The following PTK2 variants were observed in gnomAD, a reference collection of about 807,000 sequenced individuals.
The protein encoded by PTK2 is protein tyrosine kinase 2.
PTK2 carries 45 observed loss-of-function variants against 150.1 expected under a neutral mutation model. That is an observed-to-expected ratio of 0.30 (90% CI 0.24 to 0.38). The LOEUF (loss-of-function observed/expected upper bound fraction) is 0.38, where lower values mean the gene tolerates loss of function less well. Among genes scored for constraint, PTK2 ranks in the 10% least tolerant of loss-of-function variants. PTK2 has a pLI of 1.00. For synonymous variants in PTK2, 432 were observed against 449.2 expected (o/e 0.96, Z 0.48); for missense variants, 919 against 1,307.3 (o/e 0.70, Z 4.58).
intron 13 of PTK2, among the ~76,000 whole-genome samples, chr8:140,790,865 G>C (rs2100088014): frequency 6.6e-6 from 1 of 152,136 alleles, no homozygotes; most frequent in Admixed American, 6.5e-5. Context: ...GCAGTCAGAG[G>C]ACACACATTT....
chr8:140,751,645 C>T (rs1276937288), intron 17 of PTK2, among the ~76,000 whole-genome samples: 3 of 152,134 alleles, frequency 2.0e-5, no homozygotes, highest in Non-Finnish European at 4.4e-5. Flanking sequence ...GTGCGTGCCA[C>T]TATGCACGGC....
chr8:140,993,318 G>A (rs1449584954), intron 1 of PTK2, among the ~76,000 whole-genome samples: 1 of 152,156 alleles, frequency 6.6e-6, no homozygotes, highest in African/African-American at 2.4e-5. Context: ...TGGCCCCTAT[G>A]TGATTTTTAA....
chr8:140,930,325 T>G (rs1262515664), intron 1 of PTK2, among the ~76,000 whole-genome samples: 1 of 152,174 alleles, frequency 6.6e-6, no homozygotes, highest in African/African-American at 2.4e-5. Flanking sequence ...CAGTCCTAAA[T>G]TGCAAGGATT....
At chr8:140,662,575 C>T (rs2082103607) in intron 31 of PTK2, 1 of 405,300 alleles carries the variant, frequency 2.5e-6, no homozygotes, top group Non-Finnish European at 4.4e-6. Context: ...TGTGAAGTTA[C>T]ACTACAGCAC....
In PTK2 at chr8:140,770,557, C is replaced by T. The variant is rs1338967009; in HGVS notation, c.1178-6267G>A. Among the ~76,000 whole-genome samples the T allele has an allele frequency of 3.3e-5, 5 of 152,194 alleles. No homozygotes were observed. The East Asian group carries it at 7.7e-4, about 23-fold the overall frequency. Reference sequence around the variant, plus strand: ...ACAGTGACATAAAACCTTGCCCCCACCCCAATCCCCTTATTGCTTCTGAAC... The same window carrying T: ...ACAGTGACATAAAACCTTGCCCCCATCCCAATCCCCTTATTGCTTCTGAAC... On this transcript the variant is annotated intron_variant, in intron 14 of 31. Coordinates refer to ENST00000522684, the Ensembl canonical transcript of PTK2.
At chr8:140,681,090 C>G (rs567110873) in intron 27 of PTK2, among the ~76,000 whole-genome samples, 4 of 152,160 alleles carry the variant, frequency 2.6e-5, no homozygotes, top group Non-Finnish European at 1.5e-5. Flanking sequence ...TTCAGCTGGG[C>G]GCGGTTGCTC....
At chr8:140,765,846 A>G (rs2100071968) in intron 14 of PTK2, among the ~76,000 whole-genome samples, 1 of 152,140 alleles carries the variant, frequency 6.6e-6, no homozygotes, top group Admixed American at 6.6e-5. Flanking sequence ...GCAGGGGAGG[A>G]ATCTACTCTA....
intron 2 of PTK2, among the ~76,000 whole-genome samples, chr8:140,918,390 C>T (rs1448302261): frequency 6.6e-6 from 1 of 152,138 alleles, no homozygotes; most frequent in African/African-American, 2.4e-5. Context: ...CAAATAACTT[C>T]CCAAACAGGG....
intron 5 of PTK2, among the ~76,000 whole-genome samples, chr8:140,854,766 C>T (rs2100131485): frequency 1.3e-5 from 2 of 152,026 alleles, no homozygotes; most frequent in Admixed American, 1.3e-4. Flanking sequence ...TTATGTCTAA[C>T]TAGTAATATA....
chr8:140,893,033 A>C (rs545224743), intron 2 of PTK2, among the ~76,000 whole-genome samples: 1 of 152,348 alleles, frequency 6.6e-6, no homozygotes, highest in African/African-American at 2.4e-5. Flanking sequence ...TGTATGTCCA[A>C]ATAAAAACTC....
chr8:140,890,495 T>G (rs1318021463), intron 3 of PTK2, 48 bp downstream of exon 3: 2 of 1,497,384 alleles, frequency 1.3e-6, no homozygotes, highest in Non-Finnish European at 1.8e-6. Flanking sequence ...GCCATTACAT[T>G]TTAACCTAAA....
intron 4 of PTK2, among the ~76,000 whole-genome samples, chr8:140,874,481 G>A (rs2100144412): frequency 6.6e-6 from 1 of 152,112 alleles, no homozygotes; most frequent in Admixed American, 6.5e-5. Flanking sequence ...TTAGATGTCT[G>A]CAGGTGACAG....
chr8:140,905,474 T>C (rs1033897377), intron 2 of PTK2, among the ~76,000 whole-genome samples: 7 of 152,148 alleles, frequency 4.6e-5, no homozygotes, highest in Admixed American at 4.6e-4. Flanking sequence ...CAAGAAGAGC[T>C]AACTATCTTA....
chr8:140,681,135 C>T (rs2100016669), intron 27 of PTK2, among the ~76,000 whole-genome samples: 1 of 151,746 alleles, frequency 6.6e-6, no homozygotes, highest in Non-Finnish European at 1.5e-5. Flanking sequence ...GAGGCCAAGG[C>T]GAGTGGATCA....
intron 1 of PTK2, among the ~76,000 whole-genome samples, chr8:140,980,405 G>A (rs567695707): frequency 3.6e-4 from 55 of 152,244 alleles, no homozygotes; most frequent in Middle Eastern, 3.4e-3. Context: ...ATTGGATCAC[G>A]AGGTCAGGAG....
chr8:140,890,214 T>C (rs1721002746), intron 3 of PTK2: 1 of 226,834 alleles, frequency 4.4e-6, no homozygotes, highest in Non-Finnish European at 8.5e-6. Context: ...GTTTATTTCA[T>C]GACTGTTAGA....
chr8:140,680,385 G>A (rs1589752913), intron 27 of PTK2, among the ~76,000 whole-genome samples: 1 of 152,084 alleles, frequency 6.6e-6, no homozygotes, highest in South Asian at 2.1e-4. Flanking sequence ...CCGCTACCAC[G>A]CCCGGCTAAC....
intron 2 of PTK2, among the ~76,000 whole-genome samples, chr8:140,916,983 G>T (rs1357916944): frequency 6.6e-6 from 1 of 152,154 alleles, no homozygotes. Context: ...TTTTGTGCAT[G>T]TTTAATGCAC....
intron 1 of PTK2, among the ~76,000 whole-genome samples, chr8:140,953,243 CTAT>C (rs1427511460): frequency 6.6e-6 from 1 of 152,118 alleles, no homozygotes; most frequent in African/African-American, 2.4e-5. Context: ...GCTATATATA[CTAT>C]GTTTTTCCTA....
Sources: gnomAD v4.1 joint callset for allele counts (sites outside exome capture counted in the v4.1 genomes callset) on GRCh38, gnomAD v4.1.1 for gene constraint, MANE v1.5 for transcripts, NCBI Gene and HGNC (gene_info 2026-07-23, HGNC 2026-07-21) for gene names.